Variants in CD99 observed in about 807,000 individuals in gnomAD.
CD99 encodes CD99 molecule (Xg blood group).
A neutral mutation model predicts 28.4 loss-of-function variants in CD99; 19 were observed. That is an observed-to-expected ratio of 0.67 (90% CI 0.47 to 0.98). The LOEUF (loss-of-function observed/expected upper bound fraction) is 0.98, where lower values mean the gene tolerates loss of function less well. CD99 is among the 50% of genes least tolerant of loss of function. The probability of loss-of-function intolerance (pLI) is 0.00; values close to 1 mark genes in which losing one functional copy is unlikely to be tolerated. For synonymous variants in CD99, 103 were observed against 92.1 expected, an observed-to-expected ratio of 1.12 and a Z score of -0.67; for missense variants, 283 against 248.8, an observed-to-expected ratio of 1.14 and a Z score of -0.92.
At chrX:2,721,067 C>G (rs28631959) in intron 5 of CD99, among the ~76,000 whole-genome samples, 3 of 151,854 alleles carry the variant, frequency 2.0e-5, no homozygotes, top group African/African-American at 7.3e-5. Flanking sequence ...TTAAATCTTT[C>G]TGCCCTTAAA....
intron 7 of CD99, among the ~76,000 whole-genome samples, chrX:2,724,449 G>A (rs1342050944): frequency 6.6e-6 from 1 of 152,080 alleles, no homozygotes; most frequent in Non-Finnish European, 1.5e-5. Flanking sequence ...GTCCTCTGAA[G>A]CTCACATCTG....
intron 1 of CD99, among the ~76,000 whole-genome samples, chrX:2,704,452 G>A (rs2048026731): frequency 6.7e-6 from 1 of 149,000 alleles, no homozygotes; most frequent in African/African-American, 2.5e-5. Flanking sequence ...CTTTTTTTTT[G>A]AGACAAAGTC....
At chrX:2,723,147 T>G in intron 6 of CD99, 167 bp from the exon 7 acceptor site, 1 of 173,910 alleles carries the variant, frequency 5.8e-6, no homozygotes, top group Non-Finnish European at 1.1e-5. Context: ...TGTAGCTGTG[T>G]AACATGCACC....
At chrX:2,726,922 CAGG>C (rs1326274121) in intron 8 of CD99, among the ~76,000 whole-genome samples, 4 of 152,104 alleles carry the variant, frequency 2.6e-5, no homozygotes, top group Admixed American at 6.6e-5. Context: ...ATCACGAGGT[CAGG>C]AGGAGATCGA....
At chrX:2,722,801 C>A (rs1348174874) in intron 6 of CD99, 127 bp downstream of exon 6, 5 of 1,007,192 alleles carry the variant, frequency 5.0e-6, no homozygotes, top group Admixed American at 3.5e-5. Flanking sequence ...TCAGCCATCT[C>A]TGTGGGAACT....
intron 8 of CD99, among the ~76,000 whole-genome samples, chrX:2,727,939 T>A (rs1337939879): frequency 6.6e-6 from 1 of 152,152 alleles, no homozygotes; most frequent in African/African-American, 2.4e-5. Flanking sequence ...CCTAGAACAT[T>A]TGAATAGATG....
chrX:2,691,474 C>G, intron 1 of CD99, 47 bp downstream of exon 1: 2 of 1,544,720 alleles, frequency 1.3e-6, no homozygotes, highest in Non-Finnish European at 1.7e-6. Context: ...AGGGCGCGGG[C>G]CGGGACTGGG....
chrX:2,714,483 C>G (rs114304404), intron 2 of CD99, 29 bp downstream of exon 2: 2 of 1,565,690 alleles, frequency 1.3e-6, no homozygotes, highest in African/African-American at 2.7e-5. Flanking sequence ...TTTTAAAATC[C>G]CGTCAATATT....
intron 8 of CD99, among the ~76,000 whole-genome samples, chrX:2,732,811 T>TCCA (rs2049721680): frequency 1.5e-5 from 2 of 135,436 alleles, no homozygotes; most frequent in African/African-American, 7.3e-5. Flanking sequence ...CCTTTCTTTT[T>TCCA]TTCCTCTCTA....
chrX:2,719,539 C>A, intron 3 of CD99, 122 bp from the exon 4 acceptor site: 2 of 794,062 alleles, frequency 2.5e-6, no homozygotes, highest in African/African-American at 1.7e-5. Context: ...CCTGGTCAAG[C>A]TGATATTCAG....
chrX:2,730,388 G>A (rs1481758333), intron 8 of CD99, among the ~76,000 whole-genome samples: 1 of 152,010 alleles, frequency 6.6e-6, no homozygotes, highest in Non-Finnish European at 1.5e-5. Context: ...TAGCCAGGAT[G>A]GTCTTGATCT....
intron 9 of CD99, among the ~76,000 whole-genome samples, chrX:2,738,630 C>G (rs1291845432): frequency 6.6e-6 from 1 of 151,544 alleles, no homozygotes; most frequent in Non-Finnish European, 1.5e-5. Flanking sequence ...GAGGCTGAGG[C>G]AAGAGAACTG....
chrX:2,693,820 C>T (rs2047445419), intron 1 of CD99, among the ~76,000 whole-genome samples: 1 of 152,154 alleles, frequency 6.6e-6, no homozygotes, highest in Admixed American at 6.5e-5. Flanking sequence ...CACAGGGCGA[C>T]GTTGGCCCCG....
chrX:2,701,649 A>G (rs2047869445), intron 1 of CD99, among the ~76,000 whole-genome samples: 1 of 152,234 alleles, frequency 6.6e-6, no homozygotes, highest in Non-Finnish European at 1.5e-5. Context: ...TTCATCTCAG[A>G]CTAGAGGAGC....
intron 1 of CD99, among the ~76,000 whole-genome samples, chrX:2,709,200 C>T (rs868248643): frequency 5.4e-5 from 4 of 73,998 alleles, no homozygotes; most frequent in Non-Finnish European, 2.0e-4. Flanking sequence ...TACACAGGCA[C>T]ATACATGCAT....
In CD99 at chrX:2,740,866, C is replaced by G; in HGVS notation, c.*62C>G. The G allele has an allele frequency of 6.3e-7, 1 of 1,584,592 alleles. No individual in the cohort carries two copies. The highest frequency in any genetic ancestry group is 8.7e-7 in the Non-Finnish European group (1 of 1,153,040). ...AGGGTTAGAACAGCTGCCTGAGGCT[C>G]CTCCCTGAAGGACACCTGCCTGAGA... is the stretch of plus-strand genomic sequence containing the variant. On this transcript the variant is annotated 3_prime_UTR_variant, in exon 10 of 10. Coordinates refer to ENST00000381192, the MANE Select transcript of CD99 (RefSeq NM_002414.5).
intron 1 of CD99, among the ~76,000 whole-genome samples, chrX:2,712,903 A>T (rs1036580585): frequency 6.6e-6 from 1 of 152,090 alleles, no homozygotes; most frequent in Non-Finnish European, 1.5e-5. Flanking sequence ...GTGTGCACAC[A>T]AACACATGCA....
chrX:2,720,296 A>C, intron 4 of CD99, 60 bp from the exon 5 acceptor site: 1 of 1,463,386 alleles, frequency 6.8e-7, no homozygotes, highest in Non-Finnish European at 9.6e-7. Context: ...GTGTAAACTG[A>C]TGTTTCATTT....
chrX:2,707,714 A>G (rs1263619114), intron 1 of CD99, among the ~76,000 whole-genome samples: 1 of 152,098 alleles, frequency 6.6e-6, no homozygotes, highest in Non-Finnish European at 1.5e-5. Flanking sequence ...CTCTTTGCAA[A>G]TTTGCAGAGA....
Sources: gnomAD v4.1 joint callset for allele counts (sites outside exome capture counted in the v4.1 genomes callset) on GRCh38, gnomAD v4.1.1 for gene constraint, MANE v1.5 for transcripts, NCBI Gene and HGNC (gene_info 2026-07-23, HGNC 2026-07-21) for gene names.